The following KIFC1 variants were observed in gnomAD, a reference collection of about 807,000 sequenced individuals.
KIFC1 encodes the protein kinesin-like protein KIFC1.
In KIFC1, 37 loss-of-function variants were observed where a neutral mutation model predicts 66.6. That is an observed-to-expected ratio of 0.56 (90% CI 0.43 to 0.73). The LOEUF is 0.73. KIFC1 is among the 30% of genes least tolerant of loss of function. The probability of loss-of-function intolerance (pLI) is 0.00; values close to 1 mark genes in which losing one functional copy is unlikely to be tolerated. For missense variants in KIFC1, 721 were observed against 859.8 expected (o/e 0.84, Z 2.02); for synonymous variants, 325 against 343.5 (o/e 0.95, Z 0.60).
Position 33,398,344 on chromosome 6 carries a change from TCCATCCCTCACTACAGTG to T in KIFC1, c.211_228del (p.Ser71_Pro76del). ...AAATTACCACATCCCACCCAAGAGTTCCATCCCTCACTACAGTGCCACAGACACAAGGCCAGACCACAG... is the reference window on the plus strand; with the variant it reads ...AAATTACCACATCCCACCCAAGAGTTCCACAGACACAAGGCCAGACCACAG... On this transcript the variant is annotated inframe_deletion, in exon 3 of 11. Coordinates refer to ENST00000428849, the MANE Select transcript of KIFC1 (RefSeq NM_002263.4). The T allele has an allele frequency of 1.9e-6, 3 of 1,614,028 alleles. No individual in the cohort carries two copies. Among genetic ancestry groups the T allele is most frequent in the Middle Eastern group, 1.7e-4 (1 of 6,058 alleles).
Position 33,404,183 on chromosome 6 carries a change from G to A in KIFC1, c.756+54G>A. The A allele has an allele frequency of 6.5e-7, 1 of 1,540,268 alleles. No individual in the cohort carries two copies. The highest frequency in any genetic ancestry group is 8.8e-7 in the Non-Finnish European group (1 of 1,135,840). On this transcript the variant is annotated intron_variant, in intron 6 of 10. Transcript: ENST00000428849. The surrounding 1 kb of genome is among the most constrained non-coding windows in gnomAD (Gnocchi z 4.0). The stretch of plus-strand genomic sequence containing the variant: ...GCCCCGCTTTCCTGGCAGAGGTCAT[G>A]CCTCCCCTCCCTTCCAGGTACCCCT...
At position 33,409,857 on chromosome 6, in the gene KIFC1, G is replaced by GTT; in HGVS notation, c.*176_*177dup. On this transcript the variant is annotated 3_prime_UTR_variant, in exon 11 of 11. Coordinates refer to ENST00000428849, the MANE Select transcript of KIFC1 (RefSeq NM_002263.4). ...GGGCTATCAAATAAAGAATAGTTTG[G>GTT]TTTTTTTTTTAAATAAAGGTTTTAT... 1.2e-5 allele frequency: 7 copies of GTT among 603,884 alleles called. No individual in the cohort carries two copies. The highest frequency in any genetic ancestry group is 2.3e-5 in the South Asian group (1 of 43,876). 37.4% of individuals were successfully genotyped at this position (603,884 alleles called of 1,614,324 possible).
upstream of KIFC1, chr6:33,391,643 C>T: frequency 4.0e-6 from 2 of 506,316 alleles, no homozygotes; most frequent in Non-Finnish European, 7.2e-6. Context: ...GCATAAGTGG[C>T]ACCGGAAGTG....
rs1185188990 is a variant in KIFC1, at chr6:33,401,697, G to T, written c.251-1617G>T. On this transcript the variant is annotated intron_variant, in intron 3 of 10. Transcript: ENST00000428849. This position sits in a 1 kb window ranked among gnomAD's most constrained non-coding sequence, Gnocchi z 4.5. Reference sequence around the variant, plus strand: ...TCCTGTGATAACAATGCTTTCTTCTGGATTGCCTTTTTTTTTTTTTTTGAG... The same window carrying T: ...TCCTGTGATAACAATGCTTTCTTCTTGATTGCCTTTTTTTTTTTTTTTGAG... Among the ~76,000 whole-genome samples, 9 of 110,564 alleles carry T rather than the reference G, an allele frequency of 8.1e-5. No individual in the cohort carries two copies. Among genetic ancestry groups the T allele is most frequent in the African/African-American group, 3.4e-4 (9 of 26,460 alleles). 72.5% of individuals were successfully genotyped at this position (110,564 alleles called of 152,430 possible).
At chr6:33,396,842 C>G (rs188247038) in intron 1 of KIFC1, among the ~76,000 whole-genome samples, 1 of 151,862 alleles carries the variant, frequency 6.6e-6, no homozygotes, top group Non-Finnish European at 1.5e-5. Flanking sequence ...CCACCACGCC[C>G]GGCTAATTTT....
Position 33,400,144 on chromosome 6 carries a change from G to T in KIFC1, c.250+1757G>T. 1 of 1,128,576 alleles carries T rather than the reference G, an allele frequency of 8.9e-7. No homozygotes were observed. Among genetic ancestry groups the T allele is most frequent in the Non-Finnish European group, 1.3e-6 (1 of 752,498 alleles). 69.9% of individuals were successfully genotyped at this position (1,128,576 alleles called of 1,614,324 possible). ...GTGGCCATCAACATTACAGCCCATA[G>T]ACTGGGCAGTCCCCGGAATCTCTTT... On this transcript the variant is annotated intron_variant, in intron 3 of 10. Coordinates refer to ENST00000428849, the MANE Select transcript of KIFC1 (RefSeq NM_002263.4). This position sits in a 1 kb window ranked among gnomAD's most constrained non-coding sequence, Gnocchi z 4.3.
In KIFC1 at chr6:33,403,913, C is replaced by T; in HGVS notation, c.540C>T (p.Ala180=). Reference sequence around the variant, plus strand: ...GAGATGCCCAGCAGCAGGTCAAGGCCCTGGGGACAGAGCGCACAACACTGG... The same window carrying T: ...GAGATGCCCAGCAGCAGGTCAAGGCTCTGGGGACAGAGCGCACAACACTGG... ...QLRDAQQQVK[A]LGTERTTLEG... is the part of the protein sequence containing the mutation. The change falls in exon 6 of 11, where the codon GCC becomes GCT. Residue 180 remains alanine, a synonymous_variant. Coordinates refer to ENST00000428849, the MANE Select transcript of KIFC1 (RefSeq NM_002263.4). The surrounding 1 kb of genome is among the most constrained non-coding windows in gnomAD (Gnocchi z 4.6). 6.2e-7 allele frequency: 1 copy of T among 1,614,198 alleles called. No individual in the cohort carries two copies. Among genetic ancestry groups the T allele is most frequent in the Non-Finnish European group, 8.5e-7 (1 of 1,180,024 alleles).
chr6:33,403,265 A>C lies in KIFC1; in HGVS notation c.251-49A>C, dbSNP rs902286174. ...CCCTGTCCTAGCAAGTGTACATGCC[A>C]TCTTAAGAATGATCATTCTACCTTT... On this transcript the variant is annotated intron_variant, in intron 3 of 10. Coordinates refer to ENST00000428849, the MANE Select transcript of KIFC1 (RefSeq NM_002263.4). The surrounding 1 kb of genome is among the most constrained non-coding windows in gnomAD (Gnocchi z 4.6). 2.0e-6 allele frequency: 3 copies of C among 1,529,874 alleles called. No individual in the cohort carries two copies. In the African/African-American group the frequency reaches 4.1e-5, roughly 21 times the overall value. The allele number at this position is 1,529,874 out of a possible 1,614,324, so 94.8% of individuals were successfully genotyped here. A position where few individuals can be genotyped will look rare whatever the true frequency, so the allele number is the denominator to read the frequency against.
At chr6:33,396,021 C>T (rs774074816) in intron 1 of KIFC1, among the ~76,000 whole-genome samples, 4 of 152,098 alleles carry the variant, frequency 2.6e-5, no homozygotes, top group Non-Finnish European at 5.9e-5. Flanking sequence ...TTGTACTAGG[C>T]CCTCTGGTTA....
Position 33,403,941 on chromosome 6 carries a change from G to T in KIFC1, c.568G>T (p.Gly190Trp). ...GGGGACAGAGCGCACAACACTGGAGGGGCATTTAGCCAAGGTACAGGCCCA... is the reference window on the plus strand; with the variant it reads ...GGGGACAGAGCGCACAACACTGGAGTGGCATTTAGCCAAGGTACAGGCCCA... ...ALGTERTTLE[G>W]HLAKVQAQAE... Residue 190 changes from glycine to tryptophan, a missense_variant, in exon 6 of 11, where the codon GGG (glycine) becomes TGG (tryptophan). Coordinates refer to ENST00000428849, the MANE Select transcript of KIFC1 (RefSeq NM_002263.4). This position sits in a 1 kb window ranked among gnomAD's most constrained non-coding sequence, Gnocchi z 4.6. 4 of 1,614,244 alleles carry T rather than the reference G, an allele frequency of 2.5e-6. No individual in the cohort carries two copies. Among genetic ancestry groups the T allele is most frequent in the Non-Finnish European group, 3.4e-6 (4 of 1,180,040 alleles).
At position 33,404,883 on chromosome 6, in the gene KIFC1, C is replaced by T. The variant is rs1334724493; in HGVS notation, c.788C>T (p.Ser263Leu). ...CTGCAGACATCAGAAGCAGCCCTGT[C>T]AAGCAGCCAAGCAGAGGTGGCATCT... ...RRLQTSEAAL[S>L]SSQAEVASLR... Residue 263 changes from serine (S) to leucine (L), a missense_variant, in exon 7 of 11, where the codon TCA becomes TTA. Coordinates refer to ENST00000428849, the MANE Select transcript of KIFC1 (RefSeq NM_002263.4). The surrounding 1 kb of genome is among the most constrained non-coding windows in gnomAD (Gnocchi z 4.0). 1.2e-6 allele frequency: 2 copies of T among 1,612,840 alleles called. No individual in the cohort carries two copies. The highest frequency in any genetic ancestry group is 2.2e-5 in the East Asian group (1 of 44,832).
In KIFC1 at chr6:33,405,374, G is replaced by A. The variant is rs1166479990; in HGVS notation, c.1279G>A (p.Asp427Asn). ...TFTMEGGPGG[D>N]PQLEGLIPRA... ...CACAATGGAGGGTGGGCCTGGGGGA[G>A]ACCCCCAGTTGGAGGGGCTGATCCC... is the stretch of plus-strand genomic sequence containing the variant. The change falls in exon 7 of 11, where the codon GAC becomes AAC. Residue 427 changes from aspartate to asparagine, a missense_variant. Asp to Asn is a conservative substitution (Grantham distance 23). Transcript: ENST00000428849. The surrounding 1 kb of genome is among the most constrained non-coding windows in gnomAD (Gnocchi z 5.4). 1.2e-6 allele frequency: 2 copies of A among 1,609,950 alleles called. No individual in the cohort carries two copies. The highest frequency in any genetic ancestry group is 2.2e-5 in the South Asian group (2 of 90,872).
chr6:33,393,059 C>T (rs528701423), intron 1 of KIFC1, among the ~76,000 whole-genome samples: 5 of 152,118 alleles, frequency 3.3e-5, no homozygotes, highest in Admixed American at 6.5e-5. Flanking sequence ...GGCCAACTGG[C>T]GGGTTAGAGT....
chr6:33,409,382 G>A (rs992163237), intron 10 of KIFC1, among the ~76,000 whole-genome samples: 3 of 152,132 alleles, frequency 2.0e-5, no homozygotes, highest in Admixed American at 2.0e-4. Flanking sequence ...TCTAGTACAG[G>A]GTATTGCTGG....
intron 10 of KIFC1, chr6:33,407,181 G>A: frequency 1.3e-6 from 1 of 759,654 alleles, no homozygotes; most frequent in Non-Finnish European, 1.9e-6. Context: ...GGCCAAGGCA[G>A]GAGGATTGCT....
chr6:33,396,873 G>A (rs1254438332), intron 1 of KIFC1, among the ~76,000 whole-genome samples: 4 of 151,930 alleles, frequency 2.6e-5, no homozygotes, highest in Non-Finnish European at 4.4e-5. Flanking sequence ...TAGTAGAGAC[G>A]GGATTTCACC....
intron 1 of KIFC1, among the ~76,000 whole-genome samples, 175 bp downstream of exon 1, chr6:33,392,172 G>C (rs1355789570): frequency 6.6e-6 from 1 of 152,208 alleles, no homozygotes; most frequent in Non-Finnish European, 1.5e-5. Context: ...AGACGGCTTA[G>C]AGCACCCGGG....
chr6:33,398,225 G>GGA lies in KIFC1; in HGVS notation c.151-53_151-52dup. On this transcript the variant is annotated intron_variant, in intron 2 of 10. Transcript: ENST00000428849. The stretch of plus-strand genomic sequence containing the variant: ...GGGGGGTGTGTGTGTGTGAAAGAAA[G>GGA]GAGAGAGAGAGTATAAACCATTAGG... 6 of 1,613,588 alleles carry GGA rather than the reference G, an allele frequency of 3.7e-6. No individual in the cohort carries two copies. The South Asian group carries it at 5.5e-5, about 15-fold the overall frequency.
rs1033177115 is a variant in KIFC1 at position 33,404,698 on chromosome 6, A to T, written c.757-154A>T. On this transcript the variant is annotated intron_variant, in intron 6 of 10. Transcript: ENST00000428849. The surrounding 1 kb of genome is among the most constrained non-coding windows in gnomAD (Gnocchi z 4.0). ...CCATAGCACTCCCTGTCTTAGTACC[A>T]TGATTCCTTATTTTCTCATCTTTCT... is the stretch of plus-strand genomic sequence containing the variant. Among the ~76,000 whole-genome samples, 1 of 152,038 alleles carries T rather than the reference A, an allele frequency of 6.6e-6. No individual in the cohort carries two copies. Among genetic ancestry groups the T allele is most frequent in the Admixed American group, 6.5e-5 (1 of 15,270 alleles).
Sources: allele counts gnomAD v4.1 joint callset (sites outside exome capture counted in the v4.1 genomes callset), GRCh38; gene constraint gnomAD v4.1.1; non-coding constraint Gnocchi (gnomAD v3.1); transcripts MANE v1.5; gene names NCBI Gene and HGNC (gene_info 2026-07-23, HGNC 2026-07-21).